The following AAK1 variants were observed in gnomAD, a reference collection of about 807,000 sequenced individuals.
AAK1 encodes AP2-associated protein kinase 1.
Under a neutral mutation model 116.0 loss-of-function variants are expected in AAK1, and 37 were observed. That is an observed-to-expected ratio of 0.32 (90% CI 0.25 to 0.42). The LOEUF (loss-of-function observed/expected upper bound fraction) is 0.42. AAK1 is among the 10% of genes least tolerant of loss of function. The pLI is 1.00. For synonymous variants in AAK1, 458 were observed against 439.9 expected, an observed-to-expected ratio of 1.04 and a Z score of -0.51; for missense variants, 919 against 1,170.6, an observed-to-expected ratio of 0.79 and a Z score of 3.14.
At chr2:69,604,060 TCTGATC>T (rs1249819268) in intron 2 of AAK1, among the ~76,000 whole-genome samples, 5 of 152,122 alleles carry the variant, frequency 3.3e-5, no homozygotes, top group African/African-American at 1.2e-4. Flanking sequence ...AGTTAGAGAG[TCTGATC>T]TCATCCCTTC....
intron 17 of AAK1, 111 bp from the exon 18 acceptor site, chr2:69,482,923 C>G: frequency 1.5e-6 from 1 of 650,704 alleles, no homozygotes; most frequent in South Asian, 1.9e-5. Context: ...ATATTTGGTA[C>G]AGGTTCACCA....
At chr2:69,621,181 T>C (rs1674606514) in intron 2 of AAK1, among the ~76,000 whole-genome samples, 1 of 152,242 alleles carries the variant, frequency 6.6e-6, no homozygotes, top group Non-Finnish European at 1.5e-5. Flanking sequence ...AGTCGAGTGG[T>C]AGGAGTAAAG....
intron 21 of AAK1, 98 bp from the exon 22 acceptor site, chr2:69,476,061 C>G (rs1003908202): frequency 6.8e-7 from 1 of 1,475,748 alleles, no homozygotes; most frequent in Admixed American, 2.6e-5. Flanking sequence ...AAAACCAAAA[C>G]CAAAACAAAA....
At chr2:69,579,988 A>G (rs1672475167) in intron 2 of AAK1, among the ~76,000 whole-genome samples, 1 of 151,928 alleles carries the variant, frequency 6.6e-6, no homozygotes, top group Admixed American at 6.6e-5. Context: ...CATACCTCCC[A>G]AGCCTCCCTT....
intron 2 of AAK1, among the ~76,000 whole-genome samples, chr2:69,579,470 T>C (rs1672454535): frequency 1.3e-5 from 2 of 152,088 alleles, no homozygotes; most frequent in Non-Finnish European, 2.9e-5. Context: ...ACCCAACTAC[T>C]CAGGAGACTG....
At chr2:69,596,526 T>C (rs527511693) in intron 2 of AAK1, among the ~76,000 whole-genome samples, 59 of 152,306 alleles carry the variant, frequency 3.9e-4, no homozygotes, top group Non-Finnish European at 6.8e-4. Flanking sequence ...CCGGGGAATT[T>C]TGACTTTCAA....
At chr2:69,477,221 G>A (rs7579250) in intron 20 of AAK1, among the ~76,000 whole-genome samples, 2,408 of 152,190 alleles carry the variant, frequency 0.016, 76 homozygotes, top group African/African-American at 0.056. Context: ...TAGGGAAAAG[G>A]GTTCTTGGAA....
At position 69,459,764 on chromosome 2, in the gene AAK1, A is replaced by T. The variant is rs1674295788; in HGVS notation, c.*16105T>A. ...ACAGGAACAAGGGAGCTAAGCCAAGAGGACTTCCAGGGACTTGAACAAAAA... is the reference window on the plus strand; with the variant it reads ...ACAGGAACAAGGGAGCTAAGCCAAGTGGACTTCCAGGGACTTGAACAAAAA... On this transcript the variant is annotated 3_prime_UTR_variant, in exon 22 of 22. Transcript: ENST00000409085. 6.6e-6 allele frequency: 1 copy of T among 152,230 alleles called. No homozygotes were observed. The highest frequency in any genetic ancestry group is 1.5e-5 in the Non-Finnish European group (1 of 68,030). 9.4% of individuals were successfully genotyped at this position (152,230 alleles called of 1,614,324 possible).
intron 2 of AAK1, among the ~76,000 whole-genome samples, chr2:69,567,365 G>C (rs193277933): frequency 7.9e-5 from 12 of 152,278 alleles, no homozygotes; most frequent in Admixed American, 7.2e-4. Flanking sequence ...GACATACCAT[G>C]AATATAATTA....
chr2:69,465,247 G>A lies in AAK1; in HGVS notation c.*10622C>T. 1 of 430,936 alleles carries A rather than the reference G, an allele frequency of 2.3e-6. No individual in the cohort carries two copies. The highest frequency in any genetic ancestry group is 2.5e-5 in the South Asian group (1 of 40,692). The allele number at this position is 430,936 out of a possible 1,614,324, so 26.7% of individuals were successfully genotyped here. On this transcript the variant is annotated 3_prime_UTR_variant, in exon 22 of 22. Coordinates refer to ENST00000409085, the MANE Select transcript of AAK1 (RefSeq NM_014911.5). Reference sequence around the variant, plus strand: ...AAACAAAAATGAACATAACTTAAAGGGGCTTCAACTAAATATCACTGCAAC... The same window carrying A: ...AAACAAAAATGAACATAACTTAAAGAGGCTTCAACTAAATATCACTGCAAC...
chr2:69,621,479 C>CA (rs775520661), intron 2 of AAK1, among the ~76,000 whole-genome samples: 46 of 139,280 alleles, frequency 3.3e-4, no homozygotes, highest in South Asian at 3.0e-3. Flanking sequence ...AAAACTCCAC[C>CA]AAAAAAAAAA....
intron 2 of AAK1, among the ~76,000 whole-genome samples, chr2:69,621,087 T>C (rs1182179398): frequency 6.6e-6 from 1 of 152,182 alleles, no homozygotes; most frequent in Non-Finnish European, 1.5e-5. Flanking sequence ...TTCACTGACA[T>C]GTGTATTTCT....
chr2:69,552,059 G>A (rs148425977), intron 3 of AAK1, among the ~76,000 whole-genome samples: 123 of 152,234 alleles, frequency 8.1e-4, no homozygotes, highest in African/African-American at 2.8e-3. Context: ...AGAGAGGTAG[G>A]GCTGGGGTTA....
chr2:69,512,516 A>G (rs1484703999), intron 13 of AAK1, among the ~76,000 whole-genome samples: 1 of 152,224 alleles, frequency 6.6e-6, no homozygotes, highest in Non-Finnish European at 1.5e-5. Flanking sequence ...TAAGACTGCA[A>G]TAAACATCTA....
intron 2 of AAK1, among the ~76,000 whole-genome samples, chr2:69,576,823 TG>T (rs1399051601): frequency 6.6e-6 from 1 of 152,138 alleles, no homozygotes; most frequent in Non-Finnish European, 1.5e-5. Context: ...TAAATGACCA[TG>T]GAAGTGTCTC....
At chr2:69,520,546 G>T (rs1432198123) in intron 11 of AAK1, among the ~76,000 whole-genome samples, 8 of 149,570 alleles carry the variant, frequency 5.3e-5, no homozygotes, top group Admixed American at 2.0e-4. Context: ...TTTTTTTTTT[G>T]AAAAACAGGG....
chr2:69,557,194 C>G (rs1671419167), intron 2 of AAK1, among the ~76,000 whole-genome samples: 1 of 152,076 alleles, frequency 6.6e-6, no homozygotes, highest in Non-Finnish European at 1.5e-5. Context: ...AGAAATTGTT[C>G]CCAAACACCT....
intron 17 of AAK1, 23 bp from the exon 18 acceptor site, chr2:69,482,835 A>C (rs759733529): frequency 6.7e-7 from 1 of 1,484,718 alleles, no homozygotes. Flanking sequence ...GAGAGACAAA[A>C]AGAAAGCAAA....
intron 2 of AAK1, among the ~76,000 whole-genome samples, chr2:69,621,646 C>T (rs1055609013): frequency 5.3e-5 from 8 of 152,158 alleles, no homozygotes; most frequent in African/African-American, 1.9e-4. Flanking sequence ...GTTTGTTATA[C>T]AGCAATAGAT....
Sources: gnomAD v4.1 joint callset for allele counts (sites outside exome capture counted in the v4.1 genomes callset) on GRCh38, gnomAD v4.1.1 for gene constraint, MANE v1.5 for transcripts, NCBI Gene and HGNC (gene_info 2026-07-23, HGNC 2026-07-21) for gene names.